The following MAPK9 variants were observed in gnomAD, a reference collection of about 807,000 sequenced individuals.
MAPK9 encodes the protein mitogen-activated protein kinase 9, also known as Jun kinase.
Under a neutral mutation model 57.1 loss-of-function variants are expected in MAPK9, and 30 were observed. The observed-to-expected ratio is 0.53, with a 90% CI of 0.39 to 0.71. The LOEUF (loss-of-function observed/expected upper bound fraction) is 0.71, where lower values mean the gene tolerates loss of function less well. Ranked by LOEUF, MAPK9 falls within the 30% of genes least tolerant of loss-of-function variation. The pLI, the probability that MAPK9 is intolerant of heterozygous loss-of-function variation, is 0.00. For synonymous variants in MAPK9, 155 were observed against 177.0 expected (o/e 0.88, Z 0.99); for missense variants, 362 against 521.0 (o/e 0.69, Z 2.97).
intron 1 of MAPK9, among the ~76,000 whole-genome samples, 176 bp downstream of exon 1, chr5:180,291,672 G>A (rs1037139937): frequency 5.9e-5 from 9 of 151,502 alleles, no homozygotes; most frequent in Non-Finnish European, 1.3e-4. Context: ...GCTGACAGCC[G>A]GGCGGAAGGG....
intron 5 of MAPK9, among the ~76,000 whole-genome samples, chr5:180,250,495 C>T (rs1161519282): frequency 6.6e-6 from 1 of 152,116 alleles, no homozygotes; most frequent in Non-Finnish European, 1.5e-5. Context: ...GATACTTTAC[C>T]CAGGAAGTTG....
chr5:180,270,768 T>C (rs1025304847), intron 2 of MAPK9, among the ~76,000 whole-genome samples: 15 of 150,138 alleles, frequency 1.0e-4, no homozygotes, highest in African/African-American at 3.7e-4. Context: ...GGAGGACTGC[T>C]TGAGCCGGGG....
At chr5:180,291,710 G>C (rs1430573594) in intron 1 of MAPK9, 138 bp downstream of exon 1, 2 of 150,764 alleles carry the variant, frequency 1.3e-5, no homozygotes, top group African/African-American at 4.8e-5. Flanking sequence ...CCAGCACAGG[G>C]GCGACGGCTG....
intron 1 of MAPK9, among the ~76,000 whole-genome samples, chr5:180,281,668 T>C (rs957792536): frequency 2.0e-5 from 3 of 152,218 alleles, no homozygotes; most frequent in African/African-American, 4.8e-5. Context: ...GTGGTGATGA[T>C]TTATATTTCA....
chr5:180,251,444 AT>A (rs1758683412), intron 5 of MAPK9, among the ~76,000 whole-genome samples: 1 of 152,202 alleles, frequency 6.6e-6, no homozygotes, highest in Non-Finnish European at 1.5e-5. Flanking sequence ...AAAAACTGTC[AT>A]CACATACTAA....
At position 180,236,264 on chromosome 5, in the gene MAPK9, T is replaced by C. The variant is rs1757164095; in HGVS notation, c.*120A>G. The C allele has an allele frequency of 3.6e-6, 4 of 1,109,978 alleles. No homozygotes were observed. The highest frequency in any genetic ancestry group is 1.6e-5 in the African/African-American group (1 of 63,432). The allele number at this position is 1,109,978 out of a possible 1,614,324, so 68.8% of individuals were successfully genotyped here. A position where few individuals can be genotyped will look rare whatever the true frequency, so the allele number is the denominator to read the frequency against. On this transcript the variant is annotated 3_prime_UTR_variant, in exon 12 of 12. Coordinates refer to ENST00000452135, the MANE Select transcript of MAPK9 (RefSeq NM_002752.5). ...TATCAGGTCTGAGTAGGGCAAGGCATTGTGTTTCTTACATGCAGAACATGG... is the reference window on the plus strand; with the variant it reads ...TATCAGGTCTGAGTAGGGCAAGGCACTGTGTTTCTTACATGCAGAACATGG...
chr5:180,264,984 G>A (rs1160403588), intron 3 of MAPK9, 145 bp from the exon 4 acceptor site: 2 of 583,074 alleles, frequency 3.4e-6, no homozygotes, highest in African/African-American at 1.9e-5. Context: ...CCAATTACAT[G>A]GCATTTGAGA....
At chr5:180,289,387 T>C (rs1195019645) in intron 1 of MAPK9, among the ~76,000 whole-genome samples, 2 of 152,180 alleles carry the variant, frequency 1.3e-5, no homozygotes, top group East Asian at 3.9e-4. Context: ...AATAGTATTG[T>C]TTTTAACTCT....
At chr5:180,276,083 G>C (rs2127615729) in intron 2 of MAPK9, among the ~76,000 whole-genome samples, 1 of 152,318 alleles carries the variant, frequency 6.6e-6, no homozygotes, top group South Asian at 2.1e-4. Context: ...CTGAGGAAAA[G>C]AGCTGGACTC....
At chr5:180,259,723 G>A (rs972640249) in intron 5 of MAPK9, among the ~76,000 whole-genome samples, 1 of 152,204 alleles carries the variant, frequency 6.6e-6, no homozygotes, top group African/African-American at 2.4e-5. Flanking sequence ...TATAAGGAAT[G>A]TGGTCAAGTC....
chr5:180,287,959 G>A (rs1762917308), intron 1 of MAPK9, among the ~76,000 whole-genome samples: 1 of 152,228 alleles, frequency 6.6e-6, no homozygotes, highest in Non-Finnish European at 1.5e-5. Flanking sequence ...CGGTAGGGCA[G>A]CTGGGAGCAG....
At chr5:180,274,371 C>T (rs573930673) in intron 2 of MAPK9, among the ~76,000 whole-genome samples, 6 of 152,274 alleles carry the variant, frequency 3.9e-5, no homozygotes, top group African/African-American at 1.2e-4. Context: ...ATTCTTATCA[C>T]GAGAGCCCTT....
In MAPK9 at chr5:180,236,408, C is replaced by T. The variant is rs754581492; in HGVS notation, c.1251G>A (p.Thr417=). ...SDTDSSLDAS[T]GPLEGCR ...ATCATCGACAGCCTTCAAGGGGTCC[C>T]GTCGAGGCATCAAGACTGCTGTCTG... Residue 417 remains threonine (T), a synonymous_variant, in exon 12 of 12, where the codon ACG becomes ACA. Coordinates refer to ENST00000452135, the MANE Select transcript of MAPK9 (RefSeq NM_002752.5). 3.7e-6 allele frequency: 6 copies of T among 1,612,296 alleles called. No homozygotes were observed. The highest frequency in any genetic ancestry group is 1.7e-5 in the Admixed American group (1 of 59,928).
rs765182537 is a variant in MAPK9 at position 180,247,819 on chromosome 5, T to C, written c.617-309A>G. 4 of 1,607,608 alleles carry C rather than the reference T, an allele frequency of 2.5e-6. No individual in the cohort carries two copies. The highest frequency in any genetic ancestry group is 3.4e-6 in the Non-Finnish European group (4 of 1,174,160). ...TCAGGGCCACACGCCCACCCCAGCC[T>C]CCATGGCCAAGTACCGGGTCCCCTG... On this transcript the variant is annotated intron_variant, in intron 6 of 11. Coordinates refer to ENST00000452135, the MANE Select transcript of MAPK9 (RefSeq NM_002752.5). The surrounding 1 kb of genome is among the most constrained non-coding windows in gnomAD (Gnocchi z 4.5).
intron 5 of MAPK9, chr5:180,258,279 T>C (rs1033535958): frequency 6.6e-6 from 1 of 152,230 alleles, no homozygotes; most frequent in Non-Finnish European, 1.5e-5. Context: ...TTCATAACCA[T>C]AAAGGTGCTC....
At position 180,236,456 on chromosome 5, in the gene MAPK9, A is replaced by G. The variant is rs1757179797; in HGVS notation, c.1203T>C (p.Thr401=). The G allele has an allele frequency of 3.1e-6, 5 of 1,614,162 alleles. No homozygotes were observed. Among genetic ancestry groups the G allele is most frequent in the Non-Finnish European group, 4.2e-6 (5 of 1,179,972 alleles). The change falls in exon 12 of 12, where the codon ACT becomes ACC. Residue 401 remains threonine (T), a synonymous_variant. Transcript: ENST00000452135. ...CTGTGTCTGAGGCCAGCGTCTGCTCAGTGGACATGGATGAAATGTCATTGA... is the reference window on the plus strand; with the variant it reads ...CTGTGTCTGAGGCCAGCGTCTGCTCGGTGGACATGGATGAAATGTCATTGA... ...SSINDISSMS[T]EQTLASDTDS...
At chr5:180,276,795 G>A (rs1353757377) in intron 2 of MAPK9, among the ~76,000 whole-genome samples, 1 of 152,128 alleles carries the variant, frequency 6.6e-6, no homozygotes, top group Non-Finnish European at 1.5e-5. Context: ...CGGAGGTTGC[G>A]GTGAGCCAAG....
intron 1 of MAPK9, among the ~76,000 whole-genome samples, chr5:180,288,991 A>G (rs537928885): frequency 2.0e-5 from 3 of 152,370 alleles, no homozygotes; most frequent in Admixed American, 2.0e-4. Flanking sequence ...ACAAAGTATC[A>G]GGAATTAATT....
At chr5:180,265,753 A>C (rs1165447158) in intron 3 of MAPK9, among the ~76,000 whole-genome samples, 2 of 152,242 alleles carry the variant, frequency 1.3e-5, no homozygotes, top group Non-Finnish European at 2.9e-5. Flanking sequence ...AACCTCAGTC[A>C]TTCCAGATGA....
Sources: gnomAD v4.1 joint callset for allele counts (sites outside exome capture counted in the v4.1 genomes callset) on GRCh38, gnomAD v4.1.1 for gene constraint, Gnocchi (gnomAD v3.1) non-coding constraint, MANE v1.5 for transcripts, NCBI Gene and HGNC (gene_info 2026-07-23, HGNC 2026-07-21) for gene names.